The following CWF19L2 variants were observed in gnomAD, a reference collection of about 807,000 sequenced individuals.
The protein encoded by CWF19L2 is CWF19-like protein 2.
A neutral mutation model predicts 111.7 loss-of-function variants in CWF19L2; 98 were observed. The ratio of observed to expected loss-of-function variants is 0.88; its 90% confidence interval spans 0.75 to 1.04. CWF19L2 has a LOEUF of 1.04. CWF19L2 is among the 50% of genes least tolerant of loss of function. The pLI, the probability that CWF19L2 is intolerant of heterozygous loss-of-function variation, is 0.00. For missense variants in CWF19L2, 1,101 were observed against 1,051.4 expected (o/e 1.05, Z -0.65); for synonymous variants, 351 against 342.9 (o/e 1.02, Z -0.26).
At chr11:107,404,248 T>G in intron 10 of CWF19L2, 1 of 778,486 alleles carries the variant, frequency 1.3e-6, no homozygotes, top group South Asian at 1.3e-5. Flanking sequence ...CATTTAAATA[T>G]TCTTGTTTTT....
intron 14 of CWF19L2, among the ~76,000 whole-genome samples, chr11:107,339,447 C>T (rs1859973442): frequency 6.6e-6 from 1 of 152,112 alleles, no homozygotes; most frequent in African/African-American, 2.4e-5. Flanking sequence ...TACATTTCTA[C>T]CATTAACAGA....
intron 16 of CWF19L2, among the ~76,000 whole-genome samples, chr11:107,332,118 G>A (rs1859858358): frequency 6.6e-6 from 1 of 152,078 alleles, no homozygotes. Flanking sequence ...TGAATTTGAA[G>A]GCCTCTGGTA....
chr11:107,350,801 A>G (rs940595886), intron 13 of CWF19L2, among the ~76,000 whole-genome samples: 1 of 152,180 alleles, frequency 6.6e-6, no homozygotes, highest in Admixed American at 6.5e-5. Context: ...GCCTCCCTTT[A>G]AAGTTACCTT....
intron 16 of CWF19L2, among the ~76,000 whole-genome samples, chr11:107,334,274 T>C (rs1483205945): frequency 6.6e-6 from 1 of 152,220 alleles, no homozygotes; most frequent in Non-Finnish European, 1.5e-5. Flanking sequence ...ATTTAATTTG[T>C]ATTTCTAGAA....
chr11:107,361,092 T>C (rs1269232979), intron 12 of CWF19L2, among the ~76,000 whole-genome samples: 4 of 152,212 alleles, frequency 2.6e-5, no homozygotes, highest in Non-Finnish European at 4.4e-5. Context: ...AAGTTCTCCA[T>C]GTAAGTCTTT....
rs946051453 is a variant in CWF19L2 at position 107,335,023 on chromosome 11, T to G, written c.2359-62A>C. The G allele has an allele frequency of 1.1e-4, 116 of 1,012,178 alleles. No homozygotes were observed. In the African/African-American group the frequency reaches 1.7e-3, roughly 15 times the overall value. The allele number at this position is 1,012,178 out of a possible 1,614,324, so 62.7% of individuals were successfully genotyped here. A position where few individuals can be genotyped will look rare whatever the true frequency, so the allele number is the denominator to read the frequency against. On this transcript the variant is annotated intron_variant, in intron 15 of 17. Coordinates refer to ENST00000282251, the MANE Select transcript of CWF19L2 (RefSeq NM_152434.3). ...TGTAAGTAAATAAAAAGAAACAGCT[T>G]ATAACAAGTAATATAGCAAATTAAT...
chr11:107,340,300 T>A (rs1591150469), intron 14 of CWF19L2, among the ~76,000 whole-genome samples: 1 of 152,196 alleles, frequency 6.6e-6, no homozygotes, highest in South Asian at 2.1e-4. Context: ...GTGCTCCACT[T>A]TACACTGGAG....
chr11:107,451,349 C>T (rs1861775878), intron 3 of CWF19L2, among the ~76,000 whole-genome samples: 1 of 151,948 alleles, frequency 6.6e-6, no homozygotes, highest in Admixed American at 6.6e-5. Flanking sequence ...AAAATAAATA[C>T]ACGTTAGAAA....
At chr11:107,432,450 G>A (rs1429506306) in intron 7 of CWF19L2, among the ~76,000 whole-genome samples, 1 of 152,102 alleles carries the variant, frequency 6.6e-6, no homozygotes, top group Non-Finnish European at 1.5e-5. Flanking sequence ...AGGCGTGGTG[G>A]TGTGCTCCTG....
chr11:107,371,239 G>C (rs1404942633), intron 12 of CWF19L2, among the ~76,000 whole-genome samples: 1 of 136,638 alleles, frequency 7.3e-6, no homozygotes, highest in Admixed American at 7.1e-5. Flanking sequence ...TCCTGACCTC[G>C]TGATCTGCCC....
rs186572433 is a variant in CWF19L2, at chr11:107,331,487, G to A, written c.2440-1468C>T. 6.6e-5 allele frequency among the ~76,000 whole-genome samples: 10 copies of A among 152,260 alleles called. No individual in the cohort carries two copies. In the East Asian group the frequency reaches 1.9e-3, roughly 29 times the overall value. On this transcript the variant is annotated intron_variant, in intron 16 of 17. Transcript: ENST00000282251. The stretch of plus-strand genomic sequence containing the variant: ...AAAGATGGAAGATACTACACTCTTG[G>A]CTTTGAAGATGAAGGAAGGGGCCAT...
At chr11:107,418,314 A>G in intron 8 of CWF19L2, 27 bp from the exon 9 acceptor site, 1 of 1,422,820 alleles carries the variant, frequency 7.0e-7, no homozygotes, top group Non-Finnish European at 9.9e-7. Flanking sequence ...GATTAACAGC[A>G]TATGAAATAT....
At chr11:107,389,590 T>C (rs1166504489) in intron 12 of CWF19L2, among the ~76,000 whole-genome samples, 1 of 152,198 alleles carries the variant, frequency 6.6e-6, no homozygotes, top group Non-Finnish European at 1.5e-5. Flanking sequence ...CTACCCATAA[T>C]GACGTGTTAA....
chr11:107,414,035 C>CAGTT lies in CWF19L2; in HGVS notation c.1617+2170_1617+2173dup, dbSNP rs570548751. On this transcript the variant is annotated intron_variant, in intron 10 of 17. Coordinates refer to ENST00000282251, the MANE Select transcript of CWF19L2 (RefSeq NM_152434.3). ...GTTTACATCCTTGCCCTGCACTTAC[C>CAGTT]AGTTGTATACCTGGACAAGTTACTT... Among the ~76,000 whole-genome samples the CAGTT allele has an allele frequency of 3.5e-4, 54 of 152,252 alleles. 2 individuals are homozygous for CAGTT. In the South Asian group the frequency reaches 0.011, roughly 31 times the overall value.
intron 10 of CWF19L2, among the ~76,000 whole-genome samples, chr11:107,408,195 T>C (rs1374762952): frequency 3.3e-5 from 5 of 152,128 alleles, no homozygotes; most frequent in South Asian, 2.1e-4. Context: ...TATATATTTA[T>C]ATAATTAATC....
rs1279390209 is a variant in CWF19L2 at position 107,368,585 on chromosome 11, G to A, written c.1873-14849C>T. On this transcript the variant is annotated intron_variant, in intron 12 of 17. Coordinates refer to ENST00000282251, the MANE Select transcript of CWF19L2 (RefSeq NM_152434.3). ...ATAATGATTTTATTAAACAGTGACT[G>A]ACAGCTGATGATGTGTGAGGTGCCA... Among the ~76,000 whole-genome samples the A allele has an allele frequency of 2.2e-5, 3 of 138,000 alleles. 1 individual carries two copies. The highest frequency in any genetic ancestry group is 3.1e-5 in the Non-Finnish European group (2 of 64,298). 90.5% of individuals were successfully genotyped at this position (138,000 alleles called of 152,430 possible). A position where few individuals can be genotyped will look rare whatever the true frequency, so the allele number is the denominator to read the frequency against.
intron 12 of CWF19L2, among the ~76,000 whole-genome samples, chr11:107,380,140 G>C (rs1565261110): frequency 7.3e-6 from 1 of 137,758 alleles, no homozygotes; most frequent in African/African-American, 2.7e-5. Flanking sequence ...TCATTATATA[G>C]AAAAAAAATG....
intron 10 of CWF19L2, among the ~76,000 whole-genome samples, chr11:107,394,338 C>T (rs1860891815): frequency 6.6e-6 from 1 of 152,018 alleles, no homozygotes; most frequent in African/African-American, 2.4e-5. Flanking sequence ...CTACTCACTC[C>T]CTTACCAGAT....
At chr11:107,358,133 C>T (rs1313575654) in intron 12 of CWF19L2, among the ~76,000 whole-genome samples, 7 of 152,270 alleles carry the variant, frequency 4.6e-5, no homozygotes, top group African/African-American at 1.4e-4. Flanking sequence ...AACCCTCACA[C>T]ACTGCTGATG....
Sources: gnomAD v4.1 joint callset for allele counts (sites outside exome capture counted in the v4.1 genomes callset) on GRCh38, gnomAD v4.1.1 for gene constraint, MANE v1.5 for transcripts, NCBI Gene and HGNC (gene_info 2026-07-23, HGNC 2026-07-21) for gene names.